The following SOX6 variants were observed in gnomAD, a reference collection of about 807,000 sequenced individuals.
SOX6 encodes SRY-box transcription factor 6, also known as transcription factor SOX-6.
A neutral mutation model predicts 97.8 loss-of-function variants in SOX6; 11 were observed. That is an observed-to-expected ratio of 0.11 (90% CI 0.07 to 0.19). The LOEUF (loss-of-function observed/expected upper bound fraction) is 0.19, where lower values mean the gene tolerates loss of function less well. Among genes scored for constraint, SOX6 ranks in the 10% least tolerant of loss-of-function variants. The pLI is 1.00. For missense variants in SOX6, 810 were observed against 1,039.5 expected, an observed-to-expected ratio of 0.78 and a Z score of 3.04; for synonymous variants, 360 against 371.4, an observed-to-expected ratio of 0.97 and a Z score of 0.35.
At chr11:16,689,177 G>A (rs1401111242) in intron 3 of SOX6, among the ~76,000 whole-genome samples, 1 of 152,114 alleles carries the variant, frequency 6.6e-6, no homozygotes, top group East Asian at 1.9e-4. Context: ...ACCCATGCAT[G>A]GATTGCTACA....
chr11:16,580,777 G>C (rs887586820), intron 4 of SOX6, among the ~76,000 whole-genome samples: 2 of 152,038 alleles, frequency 1.3e-5, no homozygotes, highest in African/African-American at 4.8e-5. Context: ...CCATCAAAAA[G>C]TGGGCAAAGG....
At chr11:16,012,216 A>G (rs924365278) in intron 13 of SOX6, among the ~76,000 whole-genome samples, 1 of 152,024 alleles carries the variant, frequency 6.6e-6, no homozygotes, top group Non-Finnish European at 1.5e-5. Context: ...CGAAGTAGAG[A>G]AAGTATCATA....
chr11:16,402,917 T>G, intron 1 of SOX6: 3 of 1,412,854 alleles, frequency 2.1e-6, no homozygotes, highest in Non-Finnish European at 2.9e-6. Flanking sequence ...AAAAGAACCC[T>G]GTCCTTTCAA....
chr11:16,491,405 T>C (rs1447070684), intron 4 of SOX6, among the ~76,000 whole-genome samples: 2 of 152,162 alleles, frequency 1.3e-5, no homozygotes, highest in Non-Finnish European at 1.5e-5. Context: ...AGCTACACTA[T>C]GTCATGGATT....
At chr11:16,693,864 G>A (rs1848033877) in intron 3 of SOX6, among the ~76,000 whole-genome samples, 3 of 152,080 alleles carry the variant, frequency 2.0e-5, no homozygotes, top group Admixed American at 2.0e-4. Context: ...ATAGATACCT[G>A]TCATTTTTTC....
chr11:16,241,430 C>T (rs927612464), intron 3 of SOX6, among the ~76,000 whole-genome samples: 2 of 152,024 alleles, frequency 1.3e-5, no homozygotes, highest in Admixed American at 1.3e-4. Context: ...TTCTCTATCC[C>T]CTATTTTCTG....
chr11:16,444,181 C>T lies in SOX6; in HGVS notation c.-5+32134G>A, dbSNP rs148004602. ...GTATATCATTTTTTCTGTCAAAATC[C>T]CTTTGCCATCAAAAGATCCATTTGT... On this transcript the variant is annotated intron_variant, in intron 1 of 15. Transcript: ENST00000396356. Among the ~76,000 whole-genome samples, 439 of 151,718 alleles carry T rather than the reference C, an allele frequency of 2.9e-3. 4 individuals carry two copies. Among genetic ancestry groups the T allele is most frequent in the African/African-American group, 0.01 (432 of 41,376 alleles).
At chr11:16,126,338 T>G (rs556295120) in intron 6 of SOX6, among the ~76,000 whole-genome samples, 48 of 152,242 alleles carry the variant, frequency 3.2e-4, no homozygotes, top group Non-Finnish European at 5.4e-4. Flanking sequence ...TCTCTTTGAT[T>G]TAACATTTTA....
At chr11:16,065,639 C>T (rs1296182978) in intron 9 of SOX6, among the ~76,000 whole-genome samples, 2 of 151,988 alleles carry the variant, frequency 1.3e-5, no homozygotes, top group Non-Finnish European at 2.9e-5. Context: ...AACAAAGCTG[C>T]CAAGAATACA....
At position 16,382,008 on chromosome 11, in the gene SOX6, A is replaced by T. The variant is rs1857836656; in HGVS notation, c.-4-40756T>A. Among the ~76,000 whole-genome samples the T allele has an allele frequency of 2.0e-5, 3 of 152,160 alleles. No individual in the cohort carries two copies. In the South Asian group the frequency reaches 6.2e-4, roughly 32 times the overall value. The stretch of plus-strand genomic sequence containing the variant: ...GTAATTTTTCTAAGTGAATGTTATT[A>T]ACCAGAATAATAAACCACCATTAAA... On this transcript the variant is annotated intron_variant, in intron 1 of 15. Coordinates refer to the SOX6 transcript ENST00000396356.
rs892123472 is a variant in SOX6 at position 16,150,027 on chromosome 11, T to C, written c.777+33859A>G. 1.7e-4 allele frequency among the ~76,000 whole-genome samples: 26 copies of C among 152,148 alleles called. 1 individual carries two copies. Among genetic ancestry groups the C allele is most frequent in the Admixed American group, 1.7e-3 (26 of 15,258 alleles). On this transcript the variant is annotated intron_variant, in intron 6 of 15. Transcript: ENST00000683767. Reference sequence around the variant, plus strand: ...AGGGAGTTTGGAAGCATTTTAGAGATTGAGATTATCTAGTTACTTAATTCT... The same window carrying C: ...AGGGAGTTTGGAAGCATTTTAGAGACTGAGATTATCTAGTTACTTAATTCT...
At chr11:16,260,830 G>A (rs1034946157) in intron 3 of SOX6, among the ~76,000 whole-genome samples, 1 of 152,052 alleles carries the variant, frequency 6.6e-6, no homozygotes, top group Admixed American at 6.6e-5. Context: ...CCCATGTTCT[G>A]GAACCCACTT....
intron 1 of SOX6, among the ~76,000 whole-genome samples, chr11:16,395,758 A>G (rs1279973080): frequency 6.6e-6 from 1 of 151,834 alleles, no homozygotes; most frequent in Admixed American, 6.6e-5. Flanking sequence ...TATTATTTTA[A>G]GAAGCATGGG....
At chr11:16,617,067 C>T (rs1848480315) in intron 3 of SOX6, among the ~76,000 whole-genome samples, 1 of 151,798 alleles carries the variant, frequency 6.6e-6, no homozygotes, top group African/African-American at 2.4e-5. Flanking sequence ...TTCCCAAATT[C>T]AAACAAACAA....
At chr11:16,643,296 C>T (rs1289851409) in intron 3 of SOX6, among the ~76,000 whole-genome samples, 1 of 152,198 alleles carries the variant, frequency 6.6e-6, no homozygotes, top group Non-Finnish European at 1.5e-5. Flanking sequence ...GAGGGGTACC[C>T]AGCCATGTGA....
At chr11:16,512,519 C>T (rs971442767) in intron 4 of SOX6, among the ~76,000 whole-genome samples, 1 of 152,116 alleles carries the variant, frequency 6.6e-6, no homozygotes, top group African/African-American at 2.4e-5. Flanking sequence ...ACACACATCT[C>T]ATTAATAATT....
intron 9 of SOX6, among the ~76,000 whole-genome samples, chr11:16,060,212 T>C (rs1298143185): frequency 6.6e-6 from 1 of 151,986 alleles, no homozygotes; most frequent in Non-Finnish European, 1.5e-5. Flanking sequence ...GAGTGAATAA[T>C]ACAATTACTT....
chr11:16,011,828 C>T (rs915433313), intron 13 of SOX6, among the ~76,000 whole-genome samples: 1 of 152,036 alleles, frequency 6.6e-6, no homozygotes, highest in Non-Finnish European at 1.5e-5. Context: ...AGAAGACATC[C>T]TGGGCCAGAG....
rs1464600628 is a variant in SOX6, at chr11:16,512,331, G to GT, written n.610-35944dup. ...AACCGCAAACACAAATCAGTTTACG[G>GT]TTTCAACATTACATCACACCACATT... On this transcript the variant is annotated intron_variant and non_coding_transcript_variant, in intron 4 of 5. Transcript: ENST00000524520. Among the ~76,000 whole-genome samples, 22 of 152,268 alleles carry GT rather than the reference G, an allele frequency of 1.4e-4. No homozygotes were observed. In the South Asian group the frequency reaches 4.1e-3, roughly 29 times the overall value.
Sources: allele counts gnomAD v4.1 joint callset (sites outside exome capture counted in the v4.1 genomes callset), GRCh38; gene constraint gnomAD v4.1.1; transcripts MANE v1.5; gene names NCBI Gene and HGNC (gene_info 2026-07-23, HGNC 2026-07-21).